The following RBM20 variants were observed in gnomAD, a reference collection of about 807,000 sequenced individuals.
The protein encoded by RBM20 is RNA-binding protein 20.
RBM20 carries 51 observed loss-of-function variants against 110.1 expected under a neutral mutation model. That is an observed-to-expected ratio of 0.46 (90% CI 0.37 to 0.59). RBM20 has a LOEUF of 0.59. RBM20 is among the 20% of genes least tolerant of loss of function. The probability of loss-of-function intolerance (pLI) is 0.00; values close to 1 mark genes in which losing one functional copy is unlikely to be tolerated. For missense variants in RBM20, 1,512 were observed against 1,574.9 expected (o/e 0.96, Z 0.68); for synonymous variants, 589 against 618.2 (o/e 0.95, Z 0.70).
At chr10:110,748,137 CA>C (rs1162700859) in intron 1 of RBM20, among the ~76,000 whole-genome samples, 1 of 151,876 alleles carries the variant, frequency 6.6e-6, no homozygotes, top group Non-Finnish European at 1.5e-5. Context: ...AATGAGAAAA[CA>C]ATAGGCAGCA....
Position 110,828,471 on chromosome 10 carries a change from G to A in RBM20, c.3452-2590G>A, listed in dbSNP as rs112143872. Among the ~76,000 whole-genome samples, 663 of 152,342 alleles carry A rather than the reference G, an allele frequency of 4.4e-3. 4 individuals carry two copies. The highest frequency in any genetic ancestry group is 0.015 in the African/African-American group (625 of 41,572). ...CTGAACTTGCAGAGCAGGGGCCAGG[G>A]AAGAAAGTTGCCACCAAACTGTGGA... On this transcript the variant is annotated intron_variant, in intron 12 of 13. Coordinates refer to ENST00000369519, the MANE Select transcript of RBM20 (RefSeq NM_001134363.3).
At chr10:110,661,733 G>C (rs778943564) in intron 1 of RBM20, among the ~76,000 whole-genome samples, 6 of 152,172 alleles carry the variant, frequency 3.9e-5, no homozygotes, top group Non-Finnish European at 8.8e-5. Context: ...GTAGGGGCCA[G>C]GCACGGTGGC....
intron 1 of RBM20, among the ~76,000 whole-genome samples, chr10:110,747,984 G>T (rs1843804451): frequency 6.6e-6 from 1 of 152,180 alleles, no homozygotes; most frequent in African/African-American, 2.4e-5. Context: ...CTCCTAGGCT[G>T]TAATTTCATA....
At chr10:110,764,177 C>T (rs1838604095) in intron 1 of RBM20, among the ~76,000 whole-genome samples, 1 of 152,112 alleles carries the variant, frequency 6.6e-6, no homozygotes, top group South Asian at 2.1e-4. Flanking sequence ...AGTCAGTTTG[C>T]TGGGGTTGTC....
intron 1 of RBM20, among the ~76,000 whole-genome samples, chr10:110,673,880 G>T (rs1314277675): frequency 6.6e-6 from 1 of 152,180 alleles, no homozygotes; most frequent in East Asian, 1.9e-4. Context: ...ACATAAAAAT[G>T]GAATATCCTT....
intron 1 of RBM20, among the ~76,000 whole-genome samples, chr10:110,702,856 A>G (rs533553119): frequency 5.6e-4 from 85 of 152,344 alleles, no homozygotes; most frequent in African/African-American, 1.5e-3. Flanking sequence ...GGTACATACC[A>G]CATATGATTG....
At chr10:110,687,667 T>C (rs1862524452) in intron 1 of RBM20, among the ~76,000 whole-genome samples, 1 of 152,224 alleles carries the variant, frequency 6.6e-6, no homozygotes, top group African/African-American at 2.4e-5. Flanking sequence ...GTCTCTGTTC[T>C]CCCACTGCGT....
intron 1 of RBM20, among the ~76,000 whole-genome samples, chr10:110,728,127 T>C (rs1478134027): frequency 1.3e-5 from 2 of 152,354 alleles, no homozygotes; most frequent in Non-Finnish European, 2.9e-5. Context: ...TGCATGTGTC[T>C]TTATAGTAAA....
intron 1 of RBM20, among the ~76,000 whole-genome samples, chr10:110,645,318 G>A (rs1387301727): frequency 2.6e-5 from 4 of 152,154 alleles, no homozygotes; most frequent in African/African-American, 9.7e-5. Flanking sequence ...CTTTCAGCCC[G>A]TTTGAGGAAC....
intron 1 of RBM20, among the ~76,000 whole-genome samples, chr10:110,699,439 T>C (rs1442960835): frequency 6.6e-6 from 1 of 151,988 alleles, no homozygotes; most frequent in Non-Finnish European, 1.5e-5. Flanking sequence ...GCCTGGCTAA[T>C]TTTTGTATTT....
intron 1 of RBM20, among the ~76,000 whole-genome samples, chr10:110,677,608 G>A (rs957014699): frequency 4.6e-5 from 7 of 152,154 alleles, no homozygotes; most frequent in African/African-American, 7.2e-5. Flanking sequence ...GTGAGCCACC[G>A]CGCCCAGCCA....
chr10:110,782,516 A>G (rs924284256), intron 2 of RBM20, among the ~76,000 whole-genome samples: 2 of 152,254 alleles, frequency 1.3e-5, no homozygotes, highest in Admixed American at 1.3e-4. Flanking sequence ...TAACAATTAT[A>G]ACAAATACCA....
chr10:110,728,164 C>A (rs551422660), intron 1 of RBM20, among the ~76,000 whole-genome samples: 8 of 152,254 alleles, frequency 5.3e-5, no homozygotes, highest in African/African-American at 1.9e-4. Context: ...TAGGTATATA[C>A]CCAGTAATGG....
chr10:110,725,943 C>T (rs1042016503), intron 1 of RBM20, among the ~76,000 whole-genome samples: 1 of 151,746 alleles, frequency 6.6e-6, no homozygotes, highest in Non-Finnish European at 1.5e-5. Flanking sequence ...CTGCCCCCCT[C>T]CCCCGACCCC....
intron 1 of RBM20, among the ~76,000 whole-genome samples, chr10:110,762,643 C>T (rs1166485594): frequency 6.6e-6 from 1 of 152,198 alleles, no homozygotes; most frequent in East Asian, 1.9e-4. Context: ...ACACGTGGCT[C>T]CTACCAGAAT....
intron 1 of RBM20, among the ~76,000 whole-genome samples, chr10:110,671,952 C>T (rs188944891): frequency 6.6e-6 from 1 of 152,256 alleles, no homozygotes; most frequent in African/African-American, 2.4e-5. Context: ...CAAAATATCA[C>T]CTGGGACCCG....
chr10:110,740,015 A>G (rs1341983060), intron 1 of RBM20, among the ~76,000 whole-genome samples: 2 of 152,230 alleles, frequency 1.3e-5, no homozygotes, highest in Non-Finnish European at 2.9e-5. Flanking sequence ...ATACTCAGCA[A>G]TGCAGACTTG....
chr10:110,812,783 C>A lies in RBM20; in HGVS notation c.2386C>A (p.Pro796Thr). 6.4e-7 allele frequency: 1 copy of A among 1,551,548 alleles called. No homozygotes were observed. Among genetic ancestry groups the A allele is most frequent in the Non-Finnish European group, 8.7e-7 (1 of 1,146,892 alleles). The change falls in exon 9 of 14, where the codon CCC becomes ACC. Residue 796 changes from proline (P) to threonine (T), a missense_variant. Coordinates refer to ENST00000369519, the MANE Select transcript of RBM20 (RefSeq NM_001134363.3). ...DEARLRESRH[P>T]HPDDSGKEDG... ...GGCCAGGCTGCGGGAAAGCAGACAC[C>A]CCCATCCGGATGACTCAGGCAAGGA...
intron 7 of RBM20, among the ~76,000 whole-genome samples, chr10:110,803,171 G>T (rs897752240): frequency 1.3e-5 from 2 of 152,184 alleles, no homozygotes; most frequent in African/African-American, 4.8e-5. Context: ...TGTTAGACAG[G>T]TATTATTATC....
Sources: allele counts gnomAD v4.1 joint callset (sites outside exome capture counted in the v4.1 genomes callset), GRCh38; gene constraint gnomAD v4.1.1; transcripts MANE v1.5; gene names NCBI Gene and HGNC (gene_info 2026-07-23, HGNC 2026-07-21).